The following HMGXB3 variants were observed in gnomAD, a reference collection of about 807,000 sequenced individuals.
The protein encoded by HMGXB3 is HMG-box containing 3.
Under a neutral mutation model 121.5 loss-of-function variants are expected in HMGXB3, and 45 were observed. The ratio of observed to expected loss-of-function variants is 0.37; its 90% CI spans 0.29 to 0.47. The LOEUF is 0.47. HMGXB3 is among the 20% of genes least tolerant of loss of function. The probability of loss-of-function intolerance (pLI) is 0.99; values close to 1 mark genes in which losing one functional copy is unlikely to be tolerated. For missense variants in HMGXB3, 1,376 were observed against 1,602.2 expected (o/e 0.86, Z 2.41); for synonymous variants, 590 against 624.1 (o/e 0.95, Z 0.81).
At chr5:150,005,123 G>A in intron 2 of HMGXB3, 134 bp downstream of exon 2, 2 of 1,165,082 alleles carry the variant, frequency 1.7e-6, no homozygotes, top group South Asian at 1.8e-5. Context: ...GATGAGGAGT[G>A]GGAAGTGGAG....
At chr5:150,030,659 T>A in intron 9 of HMGXB3, 82 bp from the exon 10 acceptor site, 1 of 1,020,666 alleles carries the variant, frequency 9.8e-7, no homozygotes, top group Non-Finnish European at 1.5e-6. Flanking sequence ...GGGAAAGCAT[T>A]CCCTCAAGTC....
chr5:150,049,417 C>CA (rs1336891654), intron 18 of HMGXB3, among the ~76,000 whole-genome samples: 2 of 151,770 alleles, frequency 1.3e-5, no homozygotes, highest in Non-Finnish European at 2.9e-5. Flanking sequence ...GAAACCCCCC[C>CA]CCTTAACAGG....
At chr5:150,008,757 G>T (rs955329551) in intron 3 of HMGXB3, among the ~76,000 whole-genome samples, 2 of 152,206 alleles carry the variant, frequency 1.3e-5, no homozygotes, top group Non-Finnish European at 2.9e-5. Flanking sequence ...GTTAAGTCCA[G>T]GCCATGCTGT....
At chr5:150,015,769 T>G (rs575725379) in intron 5 of HMGXB3, among the ~76,000 whole-genome samples, 6 of 152,380 alleles carry the variant, frequency 3.9e-5, no homozygotes, top group Non-Finnish European at 7.3e-5. Flanking sequence ...TGCAAATATT[T>G]GGGGATTTTC....
At chr5:150,011,267 T>G (rs758993291) in intron 4 of HMGXB3, among the ~76,000 whole-genome samples, 3 of 152,212 alleles carry the variant, frequency 2.0e-5, no homozygotes, top group Non-Finnish European at 2.9e-5. Context: ...TACAGTGGCC[T>G]AAGTGTCATT....
intron 4 of HMGXB3, among the ~76,000 whole-genome samples, chr5:150,011,149 C>G (rs542339169): frequency 1.3e-5 from 2 of 152,176 alleles, no homozygotes; most frequent in Admixed American, 1.3e-4. Context: ...AATTTTCACA[C>G]AAGACCTGTA....
chr5:150,015,967 A>T (rs903933333), intron 5 of HMGXB3, among the ~76,000 whole-genome samples: 2 of 152,214 alleles, frequency 1.3e-5, no homozygotes, highest in African/African-American at 4.8e-5. Flanking sequence ...TGTTCTATAC[A>T]TATCTAATTA....
chr5:150,032,670 A>C, intron 11 of HMGXB3, 67 bp downstream of exon 11: 4 of 1,502,956 alleles, frequency 2.7e-6, no homozygotes, highest in Non-Finnish European at 2.7e-6. Context: ...CTGTCTTAGT[A>C]GAAATAAGAA....
intron 1 of HMGXB3, among the ~76,000 whole-genome samples, chr5:150,002,274 C>CA (rs1331060921): frequency 6.6e-6 from 1 of 152,054 alleles, no homozygotes; most frequent in Admixed American, 6.5e-5. Flanking sequence ...TAAGCTTTCG[C>CA]AACATTGTCA....
At chr5:150,047,504 C>T in intron 16 of HMGXB3, 120 bp from the exon 17 acceptor site, 2 of 1,189,914 alleles carry the variant, frequency 1.7e-6, no homozygotes, top group South Asian at 3.1e-5. Context: ...CCACCTCTGC[C>T]AGCACTGGGG....
At chr5:150,026,434 C>T (rs955572731) in intron 7 of HMGXB3, among the ~76,000 whole-genome samples, 3 of 152,278 alleles carry the variant, frequency 2.0e-5, no homozygotes, top group African/African-American at 4.8e-5. Context: ...CTGTAGACAT[C>T]GTTTTACACT....
chr5:150,035,342 G>A (rs1371879495), intron 11 of HMGXB3, among the ~76,000 whole-genome samples: 1 of 152,076 alleles, frequency 6.6e-6, no homozygotes, highest in Admixed American at 6.6e-5. Flanking sequence ...GAAAAAGGAA[G>A]CGAAACTCAT....
chr5:150,023,427 T>G (rs1298573798), intron 6 of HMGXB3, among the ~76,000 whole-genome samples: 1 of 152,208 alleles, frequency 6.6e-6, no homozygotes, highest in East Asian at 1.9e-4. Context: ...GGAGCTAAGC[T>G]TGATAGAACC....
At position 150,010,482 on chromosome 5, in the gene HMGXB3, A is replaced by G. The variant is rs1755803585; in HGVS notation, c.684A>G (p.Gln228=). ...CCCTAGAAGTAGGGGAGAGCCACCA[A>G]CCTTACCAGACAAGCCTGGTAATTG... is the stretch of plus-strand genomic sequence containing the variant. ...DASLEVGESH[Q]PYQTSLVIEE... The change falls in exon 4 of 20, where the codon CAA becomes CAG. Residue 228 remains glutamine (Q), a synonymous_variant. Coordinates refer to ENST00000502717, the MANE Select transcript of HMGXB3 (RefSeq NM_014983.3). 4 of 1,551,550 alleles carry G rather than the reference A, an allele frequency of 2.6e-6. No individual in the cohort carries two copies. Among genetic ancestry groups the G allele is most frequent in the Middle Eastern group, 1.7e-4 (1 of 5,992 alleles).
At chr5:150,008,116 G>A (rs1450835945) in intron 3 of HMGXB3, among the ~76,000 whole-genome samples, 2 of 151,202 alleles carry the variant, frequency 1.3e-5, no homozygotes, top group African/African-American at 2.4e-5. Flanking sequence ...CAATCTTTTT[G>A]TGCATGATAA....
chr5:150,020,242 C>T lies in HMGXB3; in HGVS notation c.1041+1545C>T, dbSNP rs548824692. ...TGCTCTTCATGTTGTCAGGAAGGGC[C>T]TAGTGCTAATGTCTCACAGGGGGTT... On this transcript the variant is annotated intron_variant, in intron 6 of 19. Coordinates refer to ENST00000502717, the MANE Select transcript of HMGXB3 (RefSeq NM_014983.3). Among the ~76,000 whole-genome samples the T allele has an allele frequency of 1.5e-4, 23 of 152,294 alleles. No individual in the cohort carries two copies. The South Asian group carries it at 1.9e-3, about 12-fold the overall frequency.
chr5:150,005,834 G>A (rs1000927114), intron 2 of HMGXB3, among the ~76,000 whole-genome samples: 2 of 152,134 alleles, frequency 1.3e-5, no homozygotes, highest in African/African-American at 4.8e-5. Context: ...AGAGGAGCAC[G>A]GAGTGTGAGT....
At chr5:150,050,995 C>G (rs1338166314) in intron 19 of HMGXB3, among the ~76,000 whole-genome samples, 1 of 152,050 alleles carries the variant, frequency 6.6e-6, no homozygotes, top group Non-Finnish European at 1.5e-5. Context: ...ATTTAGTTGA[C>G]CATGGATAAC....
At chr5:150,051,446 T>A (rs1449710098) in intron 19 of HMGXB3, among the ~76,000 whole-genome samples, 2 of 152,210 alleles carry the variant, frequency 1.3e-5, no homozygotes, top group Non-Finnish European at 1.5e-5. Context: ...AGTCAGAGCC[T>A]GATCTTTCTG....
Sources: allele counts gnomAD v4.1 joint callset (sites outside exome capture counted in the v4.1 genomes callset), GRCh38; gene constraint gnomAD v4.1.1; transcripts MANE v1.5; gene names NCBI Gene and HGNC (gene_info 2026-07-23, HGNC 2026-07-21).